The following TMEFF2 variants were observed in gnomAD, a reference collection of about 807,000 sequenced individuals.
TMEFF2 encodes the protein transmembrane protein with EGF like and two follistatin like domains 2, also known as tomoregulin-2.
In TMEFF2, 28 loss-of-function variants were observed where a neutral mutation model predicts 53.8. The observed-to-expected ratio is 0.52, with a 90% CI of 0.39 to 0.71. TMEFF2 has a LOEUF of 0.71. Ranked by LOEUF, TMEFF2 falls within the 30% of genes least tolerant of loss-of-function variation. The pLI is 0.00. For missense variants in TMEFF2, 353 were observed against 455.2 expected, an observed-to-expected ratio of 0.78 and a Z score of 2.04; for synonymous variants, 162 against 166.3, an observed-to-expected ratio of 0.97 and a Z score of 0.20.
chr2:192,064,657 G>A (rs764752894), intron 4 of TMEFF2, among the ~76,000 whole-genome samples: 1 of 151,768 alleles, frequency 6.6e-6, no homozygotes, highest in Non-Finnish European at 1.5e-5. Context: ...ATAGCTGCAT[G>A]ACTTGCAGTT....
chr2:192,121,260 A>T (rs1356713886), intron 4 of TMEFF2, among the ~76,000 whole-genome samples: 3 of 152,220 alleles, frequency 2.0e-5, no homozygotes, highest in East Asian at 1.9e-4. Context: ...AATTTGTCAG[A>T]TGCCATAGTT....
At chr2:192,188,878 TCTATCTGTCCATCTA>T (rs1691388389) in intron 2 of TMEFF2, among the ~76,000 whole-genome samples, 1 of 147,118 alleles carries the variant, frequency 6.8e-6, no homozygotes, top group African/African-American at 2.5e-5. Flanking sequence ...TATCTATCTA[TCTATCTGTCCATCTA>T]CTGTCTCCAA....
intron 4 of TMEFF2, among the ~76,000 whole-genome samples, chr2:192,094,498 G>A (rs1411257641): frequency 7.3e-6 from 1 of 137,324 alleles, no homozygotes; most frequent in Non-Finnish European, 1.5e-5. Context: ...ATTCTTAGCA[G>A]TGTGTGTGTG....
chr2:192,026,788 G>A lies in TMEFF2; in HGVS notation c.537-27580C>T, dbSNP rs1026570625. ...AAGCTTATGCATTGTGGGATAGACCGAAGAAGAAAACTGAAGAAAATGCTT... is the reference window on the plus strand; with the variant it reads ...AAGCTTATGCATTGTGGGATAGACCAAAGAAGAAAACTGAAGAAAATGCTT... On this transcript the variant is annotated intron_variant, in intron 5 of 9. Transcript: ENST00000272771. Among the ~76,000 whole-genome samples, 9 of 152,292 alleles carry A rather than the reference G, an allele frequency of 5.9e-5. No homozygotes were observed. In the East Asian group the frequency reaches 1.2e-3, roughly 20 times the overall value.
chr2:192,091,359 G>A (rs933180656), intron 4 of TMEFF2, among the ~76,000 whole-genome samples: 5 of 152,052 alleles, frequency 3.3e-5, no homozygotes, highest in Admixed American at 2.6e-4. Flanking sequence ...TACCTGAACA[G>A]TTATGCTCAA....
chr2:192,025,674 C>T (rs942216715), intron 5 of TMEFF2, among the ~76,000 whole-genome samples: 4 of 152,098 alleles, frequency 2.6e-5, no homozygotes, highest in Non-Finnish European at 2.9e-5. Flanking sequence ...GTTGATTTTT[C>T]GGCATATGTC....
rs532395739 is a variant in TMEFF2 at position 192,016,875 on chromosome 2, G to A, written c.537-17667C>T. On this transcript the variant is annotated intron_variant, in intron 5 of 9. Coordinates refer to ENST00000272771, the MANE Select transcript of TMEFF2 (RefSeq NM_016192.4). ...ATCTGTGCTGAATATCTAACATGTC[G>A]CATCACTGTTTTTTTGGATACAAAG... Among the ~76,000 whole-genome samples the A allele has an allele frequency of 7.9e-5, 12 of 152,168 alleles. No homozygotes were observed. The South Asian group carries it at 8.3e-4, about 11-fold the overall frequency.
intron 4 of TMEFF2, among the ~76,000 whole-genome samples, chr2:192,133,077 C>CT (rs575892163): frequency 1.9e-3 from 282 of 152,170 alleles, no homozygotes; most frequent in African/African-American, 6.7e-3. Context: ...GGCCAGGCTT[C>CT]TAAACCTCTT....
chr2:192,078,291 C>T (rs990683719), intron 4 of TMEFF2, among the ~76,000 whole-genome samples: 4 of 152,094 alleles, frequency 2.6e-5, no homozygotes, highest in Non-Finnish European at 5.9e-5. Flanking sequence ...AGATTACATG[C>T]AACATATAGA....
intron 4 of TMEFF2, among the ~76,000 whole-genome samples, chr2:192,144,028 G>A (rs553455679): frequency 6.6e-6 from 1 of 152,174 alleles, no homozygotes; most frequent in African/African-American, 2.4e-5. Context: ...GTATTACTGG[G>A]TTATTTTAAA....
chr2:192,176,458 A>G (rs1691047426), intron 4 of TMEFF2, among the ~76,000 whole-genome samples: 1 of 151,432 alleles, frequency 6.6e-6, no homozygotes. Context: ...TGCGACAGCC[A>G]AACATTAAGA....
chr2:192,144,537 C>T (rs1467567445), intron 4 of TMEFF2, among the ~76,000 whole-genome samples: 2 of 151,998 alleles, frequency 1.3e-5, no homozygotes, highest in African/African-American at 2.4e-5. Context: ...ACTGAATTGT[C>T]TAGCTTTATT....
intron 7 of TMEFF2, among the ~76,000 whole-genome samples, chr2:191,964,249 CT>C (rs202145274): frequency 0.061 from 5,284 of 86,630 alleles, 280 homozygotes; most frequent in African/African-American, 0.14. Flanking sequence ...TCCTTCCTTC[CT>C]TCCTTCCTCC....
intron 4 of TMEFF2, among the ~76,000 whole-genome samples, chr2:192,166,383 A>G (rs1272564596): frequency 3.9e-5 from 6 of 152,178 alleles, no homozygotes. Flanking sequence ...TTCCCAAAAT[A>G]TACAAAGACT....
Position 191,949,552 on chromosome 2 carries a change from T to C in TMEFF2, c.*759A>G. ...CTAAATGGAATATATTTTGCCACTC[T>C]GTGTATACCTAGTATGTAACTTGTT... On this transcript the variant is annotated 3_prime_UTR_variant, in exon 10 of 10. Transcript: ENST00000272771. The C allele has an allele frequency of 1.0e-6, 1 of 985,458 alleles. No individual in the cohort carries two copies. The highest frequency in any genetic ancestry group is 1.2e-6 in the Non-Finnish European group (1 of 829,924). 61.0% of individuals were successfully genotyped at this position (985,458 alleles called of 1,614,324 possible). A position where few individuals can be genotyped will look rare whatever the true frequency, so the allele number is the denominator to read the frequency against.
intron 4 of TMEFF2, among the ~76,000 whole-genome samples, chr2:192,080,021 T>C (rs1385687605): frequency 6.6e-6 from 1 of 152,204 alleles, no homozygotes; most frequent in Non-Finnish European, 1.5e-5. Flanking sequence ...ATTTTATAAA[T>C]GGTTAAATGA....
At chr2:192,040,726 C>T (rs1227963278) in intron 5 of TMEFF2, among the ~76,000 whole-genome samples, 1 of 152,080 alleles carries the variant, frequency 6.6e-6, no homozygotes, top group Non-Finnish European at 1.5e-5. Flanking sequence ...ACCCTCATTT[C>T]CTGAATTTTA....
At chr2:192,038,463 T>A (rs1377533725) in intron 5 of TMEFF2, among the ~76,000 whole-genome samples, 1 of 152,056 alleles carries the variant, frequency 6.6e-6, no homozygotes, top group East Asian at 1.9e-4. Context: ...ATTTTTTTTT[T>A]AAACCTTTCA....
intron 4 of TMEFF2, among the ~76,000 whole-genome samples, chr2:192,090,006 T>G (rs1688755337): frequency 6.6e-6 from 1 of 152,194 alleles, no homozygotes; most frequent in African/African-American, 2.4e-5. Flanking sequence ...TTGACTGCAA[T>G]GATGTTCTAC....
Sources: allele counts gnomAD v4.1 joint callset (sites outside exome capture counted in the v4.1 genomes callset), GRCh38; gene constraint gnomAD v4.1.1; transcripts MANE v1.5; gene names NCBI Gene and HGNC (gene_info 2026-07-23, HGNC 2026-07-21).